GALNTL6: variants seen among roughly 807,000 people sequenced by gnomAD.
GALNTL6 encodes the protein polypeptide N-acetylgalactosaminyltransferase-like 6.
A neutral mutation model predicts 73.7 loss-of-function variants in GALNTL6; 46 were observed. The ratio of observed to expected loss-of-function variants is 0.62; its 90% CI spans 0.49 to 0.80. GALNTL6 has a LOEUF of 0.80. GALNTL6 is among the 30% of genes least tolerant of loss of function. GALNTL6 has a pLI of 0.00. For missense variants in GALNTL6, 604 were observed against 755.0 expected (o/e 0.80, Z 2.34); for synonymous variants, 259 against 263.7 (o/e 0.98, Z 0.17).
chr4:172,889,087 A>G (rs1313621963), intron 8 of GALNTL6, among the ~76,000 whole-genome samples: 1 of 152,170 alleles, frequency 6.6e-6, no homozygotes. Context: ...TAAAAATACT[A>G]CTAAATTTTG....
intron 5 of GALNTL6, among the ~76,000 whole-genome samples, chr4:172,780,771 T>C (rs953687447): frequency 1.3e-5 from 2 of 152,236 alleles, no homozygotes; most frequent in Non-Finnish European, 2.9e-5. Context: ...TATTACTCAA[T>C]TGAGTTTTGA....
intron 5 of GALNTL6, among the ~76,000 whole-genome samples, chr4:172,649,186 C>G (rs1455119): frequency 0.031 from 4,739 of 152,146 alleles, 123 homozygotes; most frequent in South Asian, 0.091. Context: ...GAGTCACATT[C>G]TCAGTTTATT....
intron 2 of GALNTL6, among the ~76,000 whole-genome samples, chr4:172,060,584 A>G (rs747746648): frequency 3.8e-4 from 56 of 147,678 alleles, no homozygotes; most frequent in Non-Finnish European, 2.2e-4. Context: ...AAATATTTTG[A>G]AAAAAAAACA....
intron 7 of GALNTL6, among the ~76,000 whole-genome samples, chr4:172,846,440 A>G (rs1186733885): frequency 6.6e-6 from 1 of 152,248 alleles, no homozygotes; most frequent in Non-Finnish European, 1.5e-5. Context: ...GTACATACAC[A>G]GAACATAACC....
intron 4 of GALNTL6, among the ~76,000 whole-genome samples, chr4:172,332,928 C>T (rs571339435): frequency 6.6e-6 from 1 of 152,254 alleles, no homozygotes; most frequent in East Asian, 1.9e-4. Flanking sequence ...CAACAGTGTA[C>T]AAAAGTTGGC....
chr4:173,001,786 A>C (rs1752056772), intron 10 of GALNTL6, among the ~76,000 whole-genome samples: 2 of 152,218 alleles, frequency 1.3e-5, no homozygotes, highest in South Asian at 4.1e-4. Flanking sequence ...ATTAGTCATT[A>C]GGGAAAAGCA....
At chr4:172,150,383 A>T (rs1734045882) in intron 2 of GALNTL6, among the ~76,000 whole-genome samples, 1 of 152,190 alleles carries the variant, frequency 6.6e-6, no homozygotes, top group Admixed American at 6.5e-5. Context: ...AAATATTACC[A>T]CTGTGGGATG....
intron 9 of GALNTL6, among the ~76,000 whole-genome samples, chr4:172,946,254 A>G (rs1315985314): frequency 6.6e-6 from 1 of 152,156 alleles, no homozygotes; most frequent in African/African-American, 2.4e-5. Context: ...ACATGTAATA[A>G]TCACACCTTG....
At chr4:171,965,857 T>C (rs1479555181) in intron 2 of GALNTL6, among the ~76,000 whole-genome samples, 1 of 152,036 alleles carries the variant, frequency 6.6e-6, no homozygotes, top group African/African-American at 2.4e-5. Flanking sequence ...ACCCTTTCGT[T>C]TACTTTCATG....
intron 2 of GALNTL6, among the ~76,000 whole-genome samples, chr4:172,093,048 T>TAA (rs1464297340): frequency 6.6e-6 from 1 of 151,830 alleles, no homozygotes; most frequent in East Asian, 1.9e-4. Flanking sequence ...TAATTTTTTG[T>TAA]ATTTGTGTAA....
chr4:172,104,037 G>A (rs912229785), intron 2 of GALNTL6, among the ~76,000 whole-genome samples: 10 of 150,904 alleles, frequency 6.6e-5, no homozygotes, highest in African/African-American at 9.8e-5. Context: ...TCCGCCTCCT[G>A]GGTTCACGCC....
intron 5 of GALNTL6, among the ~76,000 whole-genome samples, chr4:172,555,388 A>T (rs1736106316): frequency 6.6e-6 from 1 of 152,040 alleles, no homozygotes. Flanking sequence ...ACTTTACAGA[A>T]ACTAAGTGGT....
intron 2 of GALNTL6, among the ~76,000 whole-genome samples, chr4:172,131,506 A>G (rs919004113): frequency 6.7e-6 from 1 of 148,158 alleles, no homozygotes; most frequent in Admixed American, 6.8e-5. Flanking sequence ...TATTTTATAT[A>G]TGTGTGCATA....
chr4:171,952,245 G>A (rs1389459409), intron 2 of GALNTL6, among the ~76,000 whole-genome samples: 3 of 151,836 alleles, frequency 2.0e-5, no homozygotes, highest in Non-Finnish European at 4.4e-5. Flanking sequence ...TGATTAAAAC[G>A]GAGTCAAAAA....
intron 8 of GALNTL6, among the ~76,000 whole-genome samples, chr4:172,920,272 C>T (rs1358718555): frequency 6.6e-6 from 1 of 152,074 alleles, no homozygotes; most frequent in Non-Finnish European, 1.5e-5. Flanking sequence ...CTTTTTTTCT[C>T]GCTATCTCAG....
intron 2 of GALNTL6, among the ~76,000 whole-genome samples, chr4:171,964,930 G>A (rs762122047): frequency 1.3e-5 from 2 of 152,198 alleles, no homozygotes; most frequent in African/African-American, 2.4e-5. Context: ...CAGTTCTGAT[G>A]GTCATCTGAG....
chr4:172,389,006 G>A (rs1034966370), intron 5 of GALNTL6, among the ~76,000 whole-genome samples: 1 of 151,710 alleles, frequency 6.6e-6, no homozygotes, highest in Non-Finnish European at 1.5e-5. Context: ...ATAGCTTAAA[G>A]TTAGTTTTTT....
chr4:172,715,388 G>C (rs1301655154), intron 5 of GALNTL6, among the ~76,000 whole-genome samples: 2 of 152,192 alleles, frequency 1.3e-5, no homozygotes, highest in African/African-American at 4.8e-5. Flanking sequence ...TTTCCATTAA[G>C]ATGAGAAAGG....
chr4:171,964,622 A>G (rs555675627), intron 2 of GALNTL6, among the ~76,000 whole-genome samples: 49 of 152,256 alleles, frequency 3.2e-4, no homozygotes, highest in African/African-American at 1.2e-3. Context: ...ATTGTCTATC[A>G]TATGATTATA....
Sources: gnomAD v4.1 joint callset for allele counts (sites outside exome capture counted in the v4.1 genomes callset) on GRCh38, gnomAD v4.1.1 for gene constraint, MANE v1.5 for transcripts, NCBI Gene and HGNC (gene_info 2026-07-23, HGNC 2026-07-21) for gene names.